PHC3: variants seen among roughly 807,000 people sequenced by gnomAD.
PHC3 encodes polyhomeotic homolog 3.
A neutral mutation model predicts 107.4 loss-of-function variants in PHC3; 13 were observed. The observed-to-expected ratio is 0.12, with a 90% CI of 0.08 to 0.19. The LOEUF (loss-of-function observed/expected upper bound fraction) is 0.19, where lower values mean the gene tolerates loss of function less well. Ranked by LOEUF, PHC3 falls within the 10% of genes least tolerant of loss-of-function variation. The probability of loss-of-function intolerance (pLI) is 1.00; values close to 1 mark genes in which losing one functional copy is unlikely to be tolerated. For missense variants in PHC3, 992 were observed against 1,210.9 expected (o/e 0.82, Z 2.68); for synonymous variants, 456 against 427.4 (o/e 1.07, Z -0.83).
chr3:170,130,267 ACTATATTAAAATT>A (rs1263197392), intron 7 of PHC3, among the ~76,000 whole-genome samples: 1 of 152,206 alleles, frequency 6.6e-6, no homozygotes, highest in African/African-American at 2.4e-5. Flanking sequence ...TCATAAAAAT[ACTATATTAAAATT>A]CATAAAATAA....
intron 10 of PHC3, among the ~76,000 whole-genome samples, chr3:170,114,668 T>C (rs1428802753): frequency 6.6e-6 from 1 of 152,194 alleles, no homozygotes; most frequent in Non-Finnish European, 1.5e-5. Context: ...ATACTACCTA[T>C]TTTAGAAGTA....
intron 7 of PHC3, among the ~76,000 whole-genome samples, chr3:170,134,794 G>A (rs536665242): frequency 6.6e-6 from 1 of 152,216 alleles, no homozygotes; most frequent in East Asian, 1.9e-4. Context: ...ATACATAAAT[G>A]CCCAATATTA....
At chr3:170,133,722 T>C (rs982096802) in intron 7 of PHC3, among the ~76,000 whole-genome samples, 4 of 152,120 alleles carry the variant, frequency 2.6e-5, no homozygotes, top group African/African-American at 9.7e-5. Context: ...GCTTACTGGT[T>C]TCCTCCATAC....
chr3:170,140,932 C>T (rs1577129747), intron 6 of PHC3, among the ~76,000 whole-genome samples: 1 of 152,138 alleles, frequency 6.6e-6, no homozygotes, highest in South Asian at 2.1e-4. Flanking sequence ...TAACATCTTT[C>T]CAAAAATCTT....
intron 12 of PHC3, among the ~76,000 whole-genome samples, 193 bp downstream of exon 12, chr3:170,106,639 G>A (rs4955714): frequency 0.97 from 147,615 of 152,266 alleles, 71,581 homozygotes; most frequent in East Asian, 0.99. Flanking sequence ...GCAAAATCTA[G>A]TAACTAAATA....
intron 7 of PHC3, among the ~76,000 whole-genome samples, chr3:170,132,015 T>C (rs1186191654): frequency 2.0e-5 from 3 of 152,166 alleles, no homozygotes; most frequent in Non-Finnish European, 4.4e-5. Flanking sequence ...TAAGCACATA[T>C]ATTACAGAAT....
At chr3:170,180,566 T>TG (rs1256560791) in intron 1 of PHC3, among the ~76,000 whole-genome samples, 2 of 144,620 alleles carry the variant, frequency 1.4e-5, no homozygotes, top group Non-Finnish European at 3.0e-5. Context: ...ATGCTTCTGT[T>TG]TTTTTTTTTT....
intron 1 of PHC3, among the ~76,000 whole-genome samples, chr3:170,181,083 C>A (rs898156111): frequency 1.3e-5 from 2 of 152,240 alleles, no homozygotes; most frequent in African/African-American, 2.4e-5. Context: ...GAGGCAGCAA[C>A]GCTGCACCCA....
At chr3:170,145,339 GTAACT>G in intron 6 of PHC3, 79 bp downstream of exon 6, 1 of 1,072,804 alleles carries the variant, frequency 9.3e-7, no homozygotes, top group Non-Finnish European at 1.3e-6. Flanking sequence ...GAAACCATCA[GTAACT>G]TAAACACAAA....
At position 170,128,290 on chromosome 3, in the gene PHC3, C is replaced by T. The variant is rs372873568; in HGVS notation, c.1788+394G>A. 539 of 1,103,484 alleles carry T rather than the reference C, an allele frequency of 4.9e-4. 4 individuals are homozygous for T. The highest frequency in any genetic ancestry group is 4.7e-3 in the South Asian group (307 of 65,012). The allele number at this position is 1,103,484 out of a possible 1,614,324, so 68.4% of individuals were successfully genotyped here. On this transcript the variant is annotated intron_variant, in intron 8 of 14. Coordinates refer to ENST00000495893, the MANE Select transcript of PHC3 (RefSeq NM_024947.4). The stretch of plus-strand genomic sequence containing the variant: ...AAAGGGTTAGGCTAGATAAACCATA[C>T]GTTTTGAGAACATACAAGCCAACAG...
At chr3:170,147,802 A>T (rs1725240380) in intron 5 of PHC3, 1 of 152,232 alleles carries the variant, frequency 6.6e-6, no homozygotes, top group South Asian at 2.1e-4. Context: ...TTCCAGTACC[A>T]ACACCCTGAA....
rs1490240257 is a variant in PHC3, at chr3:170,096,284, A to C, written c.*946T>G. On this transcript the variant is annotated 3_prime_UTR_variant, in exon 15 of 15. Coordinates refer to ENST00000495893, the MANE Select transcript of PHC3 (RefSeq NM_024947.4). ...ATACTTCCATCATATATGTTTAGTA[A>C]GCTTCATCCTTTAAAAGTATTCCTT... The C allele has an allele frequency of 6.6e-6, 1 of 152,126 alleles. No individual in the cohort carries two copies. Among genetic ancestry groups the C allele is most frequent in the African/African-American group, 2.4e-5 (1 of 41,420 alleles). The allele number at this position is 152,126 out of a possible 1,614,324, so 9.4% of individuals were successfully genotyped here.
At chr3:170,128,564 T>C in intron 8 of PHC3, 120 bp downstream of exon 8, 2 of 1,296,264 alleles carry the variant, frequency 1.5e-6, no homozygotes, top group Middle Eastern at 2.8e-4. Context: ...TACTGACACA[T>C]GGAAATTTCA....
In PHC3 at chr3:170,092,984, A is replaced by T. The variant is rs776764028; in HGVS notation, c.*4246T>A. The T allele has an allele frequency of 2.0e-5, 3 of 152,228 alleles. No homozygotes were observed. The highest frequency in any genetic ancestry group is 4.4e-5 in the Non-Finnish European group (3 of 68,038). The allele number at this position is 152,228 out of a possible 1,614,324, so 9.4% of individuals were successfully genotyped here. A position where few individuals can be genotyped will look rare whatever the true frequency, so the allele number is the denominator to read the frequency against. ...GATGAAAGCCATATCTATCCTAAAT[A>T]TCTTCTATCCTCTTGGGTCTAGAAT... On this transcript the variant is annotated 3_prime_UTR_variant, in exon 15 of 15. Transcript: ENST00000495893.
rs370076816 is a variant in PHC3 at position 170,159,048 on chromosome 3, G to A, written c.415-9804C>T. On this transcript the variant is annotated intron_variant, in intron 4 of 14. Coordinates refer to ENST00000495893, the MANE Select transcript of PHC3 (RefSeq NM_024947.4). ...GGGCAGATCACAAGGTCAGGAGATC[G>A]AGACCATCCTGGCTAACATGGTGAA... is the stretch of plus-strand genomic sequence containing the variant. 9.2e-5 allele frequency among the ~76,000 whole-genome samples: 14 copies of A among 151,998 alleles called. No individual in the cohort carries two copies. The South Asian group carries it at 1.0e-3, about 11-fold the overall frequency.
intron 7 of PHC3, among the ~76,000 whole-genome samples, chr3:170,133,443 C>G (rs1722576170): frequency 6.6e-6 from 1 of 152,152 alleles, no homozygotes; most frequent in Non-Finnish European, 1.5e-5. Context: ...TCCCAAAGTG[C>G]TGGGATTACA....
chr3:170,181,659 C>A (rs769716465), intron 1 of PHC3, 43 bp downstream of exon 1: 1 of 1,613,148 alleles, frequency 6.2e-7, no homozygotes, highest in East Asian at 2.2e-5. Flanking sequence ...TGCCCCAACT[C>A]GCCCCCCCTA....
In PHC3 at chr3:170,172,675, G is replaced by C. The variant is rs764817147; in HGVS notation, c.218C>G (p.Ala73Gly). The change falls in exon 3 of 15, where the codon GCT becomes GGT. Residue 73 changes from alanine (A) to glycine (G), a missense_variant. By Grantham distance (60) the Ala-to-Gly change is moderately conservative. Transcript: ENST00000495893. ...ATACATTTGCTGAAGGTACTGAGCA[G>C]CTGAGCTGGGGGGCCGATGCAATGC... is the stretch of plus-strand genomic sequence containing the variant. ...QQALHRPPSS[A>G]AQYLQQMYAA... 3 of 1,611,802 alleles carry C rather than the reference G, an allele frequency of 1.9e-6. No individual in the cohort carries two copies. Among genetic ancestry groups the C allele is most frequent in the Non-Finnish European group, 2.5e-6 (3 of 1,178,344 alleles).
rs927151942 is a variant in PHC3, at chr3:170,149,183, G to C, written c.476C>G (p.Ser159Cys). ...CTGTTGGGTAATACTGCCGCTGGTAGAACTGGAAGCCTGGGAACGGCTTAT... is the reference window on the plus strand; with the variant it reads ...CTGTTGGGTAATACTGCCGCTGGTACAACTGGAAGCCTGGGAACGGCTTAT... ...QLISRSQASS[S>C]TSGSITQQTM... The change falls in exon 5 of 15, where the codon TCT becomes TGT. Residue 159 changes from serine (S) to cysteine (C), a missense_variant. By Grantham distance (112) the Ser-to-Cys change is moderately radical (BLOSUM62 -1). Transcript: ENST00000495893. 1.9e-6 allele frequency: 3 copies of C among 1,613,182 alleles called. No individual in the cohort carries two copies. The highest frequency in any genetic ancestry group is 1.7e-6 in the Non-Finnish European group (2 of 1,179,788).
Sources: gnomAD v4.1 joint callset for allele counts (sites outside exome capture counted in the v4.1 genomes callset) on GRCh38, gnomAD v4.1.1 for gene constraint, MANE v1.5 for transcripts, NCBI Gene and HGNC (gene_info 2026-07-23, HGNC 2026-07-21) for gene names.